SRGAP1: variants seen among roughly 807,000 people sequenced by gnomAD.
The protein encoded by SRGAP1 is SLIT-ROBO Rho GTPase activating protein 1.
In SRGAP1, 43 loss-of-function variants were observed where a neutral mutation model predicts 121.9. That is an observed-to-expected ratio of 0.35 (90% CI 0.28 to 0.46). SRGAP1 has a LOEUF of 0.46. Ranked by LOEUF, SRGAP1 falls within the 20% of genes least tolerant of loss-of-function variation. The pLI is 1.00. For missense variants in SRGAP1, 1,102 were observed against 1,350.9 expected (o/e 0.82, Z 2.89); for synonymous variants, 447 against 485.4 (o/e 0.92, Z 1.04).
In SRGAP1 at chr12:64,053,573, A is replaced by G. The variant is rs1322136416; in HGVS notation, c.802-9344A>G. On this transcript the variant is annotated intron_variant, in intron 6 of 21. Transcript: ENST00000355086. Reference sequence around the variant, plus strand: ...GAATACACTGTTAATTTCACAACAAATAAGGACTTTTATTATGTCATGCTA... The same window carrying G: ...GAATACACTGTTAATTTCACAACAAGTAAGGACTTTTATTATGTCATGCTA... Among the ~76,000 whole-genome samples the G allele has an allele frequency of 2.6e-5, 4 of 152,228 alleles. No homozygotes were observed. The East Asian group carries it at 7.7e-4, about 29-fold the overall frequency.
At chr12:64,141,577 C>CT (rs2036964033) in intron 21 of SRGAP1, among the ~76,000 whole-genome samples, 1 of 151,946 alleles carries the variant, frequency 6.6e-6, no homozygotes, top group Admixed American at 6.6e-5. Context: ...AAGACTGCAT[C>CT]TTGGGGGGGG....
At chr12:64,077,514 T>A (rs898857614) in intron 8 of SRGAP1, among the ~76,000 whole-genome samples, 4 of 149,516 alleles carry the variant, frequency 2.7e-5, no homozygotes, top group Non-Finnish European at 4.4e-5. Context: ...AAATAGCATA[T>A]AAATCAGGAG....
At chr12:64,075,068 C>A (rs1228480210) in intron 8 of SRGAP1, among the ~76,000 whole-genome samples, 1 of 151,992 alleles carries the variant, frequency 6.6e-6, no homozygotes, top group African/African-American at 2.4e-5. Context: ...AAATTAAAGA[C>A]ACACGCACAG....
intron 1 of SRGAP1, among the ~76,000 whole-genome samples, chr12:63,849,659 G>A (rs1300389422): frequency 2.0e-5 from 3 of 152,178 alleles, no homozygotes; most frequent in South Asian, 4.1e-4. Flanking sequence ...TGGAACCTGT[G>A]TCTGCATCTT....
chr12:63,930,079 C>T (rs2031414278), intron 1 of SRGAP1, among the ~76,000 whole-genome samples: 1 of 152,114 alleles, frequency 6.6e-6, no homozygotes, highest in Non-Finnish European at 1.5e-5. Context: ...AATAGGAACG[C>T]CTTTACACTG....
chr12:64,003,608 G>A (rs2033982226), intron 3 of SRGAP1, among the ~76,000 whole-genome samples: 1 of 151,778 alleles, frequency 6.6e-6, no homozygotes, highest in Non-Finnish European at 1.5e-5. Context: ...GGAAGAATCA[G>A]TGTATATGAA....
intron 21 of SRGAP1, among the ~76,000 whole-genome samples, chr12:64,128,937 G>A (rs1311202517): frequency 1.3e-5 from 2 of 151,940 alleles, no homozygotes; most frequent in Non-Finnish European, 2.9e-5. Flanking sequence ...TTTCCCTCTG[G>A]TTCTGGCTCT....
At chr12:64,097,951 G>T (rs550447205) in intron 15 of SRGAP1, among the ~76,000 whole-genome samples, 3 of 152,154 alleles carry the variant, frequency 2.0e-5, no homozygotes, top group Non-Finnish European at 4.4e-5. Flanking sequence ...TTACTTCAGT[G>T]GGGGCTTTTT....
rs1019307057 is a variant in SRGAP1, at chr12:64,149,807, A to C, written c.*7135A>C. On this transcript the variant is annotated 3_prime_UTR_variant, in exon 22 of 22. Transcript: ENST00000355086. Reference sequence around the variant, plus strand: ...ATGGTAAATTCTATCCACAGGCCATATAGCCCTGGAAAATATTGGGAAACT... The same window carrying C: ...ATGGTAAATTCTATCCACAGGCCATCTAGCCCTGGAAAATATTGGGAAACT... The C allele has an allele frequency of 6.6e-6, 1 of 152,220 alleles. No homozygotes were observed. Among genetic ancestry groups the C allele is most frequent in the Admixed American group, 6.5e-5 (1 of 15,278 alleles). The allele number at this position is 152,220 out of a possible 1,614,324, so 9.4% of individuals were successfully genotyped here. A position where few individuals can be genotyped will look rare whatever the true frequency, so the allele number is the denominator to read the frequency against.
At chr12:63,873,486 T>A (rs560622109) in intron 1 of SRGAP1, among the ~76,000 whole-genome samples, 1 of 149,526 alleles carries the variant, frequency 6.7e-6, no homozygotes, top group African/African-American at 2.5e-5. Flanking sequence ...TGAGCCGAGA[T>A]TGAGCCATTC....
chr12:64,043,339 A>G (rs947266497), intron 5 of SRGAP1, 108 bp from the exon 6 acceptor site: 10 of 1,097,794 alleles, frequency 9.1e-6, no homozygotes, highest in Admixed American at 2.8e-5. Context: ...GGTCATTTGT[A>G]TATGTGGAAT....
chr12:64,138,888 G>A (rs2036908084), intron 21 of SRGAP1, among the ~76,000 whole-genome samples: 2 of 152,078 alleles, frequency 1.3e-5, no homozygotes, highest in Admixed American at 1.3e-4. Context: ...TTCCATTAGT[G>A]ATAATATTTC....
In SRGAP1 at chr12:64,157,937, T is replaced by G; in HGVS notation, c.*15265T>G. The G allele has an allele frequency of 6.6e-6, 1 of 152,192 alleles. No homozygotes were observed. Among genetic ancestry groups the G allele is most frequent in the Admixed American group, 6.5e-5 (1 of 15,274 alleles). 9.4% of individuals were successfully genotyped at this position (152,192 alleles called of 1,614,324 possible). On this transcript the variant is annotated 3_prime_UTR_variant, in exon 22 of 22. Coordinates refer to ENST00000355086, the MANE Select transcript of SRGAP1 (RefSeq NM_020762.4). ...CTGCCACCTTAGTACGTGGCCACCATGAAGAGGAAGAGAAAGCACTTGCAA... is the reference window on the plus strand; with the variant it reads ...CTGCCACCTTAGTACGTGGCCACCAGGAAGAGGAAGAGAAAGCACTTGCAA...
chr12:63,892,660 G>A (rs907558272), intron 1 of SRGAP1, among the ~76,000 whole-genome samples: 1 of 152,084 alleles, frequency 6.6e-6, no homozygotes, highest in Non-Finnish European at 1.5e-5. Context: ...GCTCTTTAAA[G>A]CTATAGCTTA....
chr12:63,994,932 C>T (rs569337727), intron 3 of SRGAP1, among the ~76,000 whole-genome samples: 16 of 152,284 alleles, frequency 1.1e-4, no homozygotes, highest in East Asian at 3.9e-4. Context: ...TCATATGCTA[C>T]GCATAAAAAT....
intron 1 of SRGAP1, among the ~76,000 whole-genome samples, chr12:63,943,791 C>G (rs1234877237): frequency 1.3e-5 from 2 of 152,006 alleles, no homozygotes; most frequent in Non-Finnish European, 2.9e-5. Context: ...TCTGGGCCAA[C>G]CAACATTTAG....
Position 63,984,041 on chromosome 12 carries a change from A to G in SRGAP1, c.162A>G (p.Arg54=), listed in dbSNP as rs748499192. 1 of 1,563,040 alleles carries G rather than the reference A, an allele frequency of 6.4e-7. No individual in the cohort carries two copies. The highest frequency in any genetic ancestry group is 8.7e-7 in the Non-Finnish European group (1 of 1,148,750). Residue 54 remains arginine, a synonymous_variant, in exon 2 of 22, where the codon CGA becomes CGG. Coordinates refer to ENST00000355086, the MANE Select transcript of SRGAP1 (RefSeq NM_020762.4). ...TCCAGGATCTGCAAGATTTCTTCCG[A>G]AAAAAAGCTGAAATTGAGACGGAAT... ...QLLQDLQDFF[R]KKAEIETEYS... is the part of the protein sequence containing the mutation.
chr12:64,130,574 A>C (rs2036769745), intron 21 of SRGAP1, among the ~76,000 whole-genome samples: 1 of 152,138 alleles, frequency 6.6e-6, no homozygotes, highest in Non-Finnish European at 1.5e-5. Context: ...CAGCCCTGCA[A>C]AGTATTGTCA....
intron 1 of SRGAP1, among the ~76,000 whole-genome samples, chr12:63,918,009 C>T (rs1034647670): frequency 2.0e-5 from 3 of 152,200 alleles, no homozygotes; most frequent in Non-Finnish European, 4.4e-5. Flanking sequence ...TACAAGATTT[C>T]CCTAGCACAT....
Sources: gnomAD v4.1 joint callset for allele counts (sites outside exome capture counted in the v4.1 genomes callset) on GRCh38, gnomAD v4.1.1 for gene constraint, MANE v1.5 for transcripts, NCBI Gene and HGNC (gene_info 2026-07-23, HGNC 2026-07-21) for gene names.